Variants in CALN1 observed in about 807,000 individuals in gnomAD.
The protein encoded by CALN1 is calcium-binding protein 8.
Under a neutral mutation model 30.6 loss-of-function variants are expected in CALN1, and 17 were observed. The observed-to-expected ratio is 0.56, with a 90% confidence interval of 0.38 to 0.83. The LOEUF is 0.83. CALN1 is among the 40% of genes least tolerant of loss of function. The pLI is 0.00. For missense variants in CALN1, 291 were observed against 354.9 expected (o/e 0.82, Z 1.45); for synonymous variants, 156 against 131.4 (o/e 1.19, Z -1.28).
At chr7:72,341,512 G>A (rs531110512) in intron 2 of CALN1, among the ~76,000 whole-genome samples, 3 of 150,742 alleles carry the variant, frequency 2.0e-5, no homozygotes, top group Non-Finnish European at 4.4e-5. Flanking sequence ...AACAGAGCGA[G>A]ACTCAGTCTC....
At chr7:72,377,048 A>G (rs903025869) in intron 2 of CALN1, among the ~76,000 whole-genome samples, 3 of 152,158 alleles carry the variant, frequency 2.0e-5, no homozygotes, top group Admixed American at 6.5e-5. Context: ...CATGGCATAT[A>G]TTTTTATACT....
intron 2 of CALN1, among the ~76,000 whole-genome samples, chr7:72,382,477 T>A (rs1017182937): frequency 4.6e-5 from 7 of 152,230 alleles, no homozygotes; most frequent in African/African-American, 1.7e-4. Flanking sequence ...TATTTCAATT[T>A]TTTTAGATTC....
chr7:72,270,117 G>A (rs1380617522), intron 3 of CALN1, among the ~76,000 whole-genome samples: 1 of 151,884 alleles, frequency 6.6e-6, no homozygotes, highest in Admixed American at 6.6e-5. Flanking sequence ...GTATGTATGT[G>A]TGTGTGTGTG....
chr7:72,401,035 T>C (rs1309321144), intron 2 of CALN1, among the ~76,000 whole-genome samples: 2 of 152,190 alleles, frequency 1.3e-5, no homozygotes, highest in African/African-American at 4.8e-5. Flanking sequence ...CTTTTGAGCA[T>C]GCTTTGGGGT....
At chr7:72,197,608 T>C (rs1366175178) in intron 3 of CALN1, among the ~76,000 whole-genome samples, 2 of 152,190 alleles carry the variant, frequency 1.3e-5, no homozygotes, top group Admixed American at 6.5e-5. Flanking sequence ...GGTGGAAGGA[T>C]GGCTTGAAGC....
At chr7:72,222,827 C>A (rs976734457) in intron 3 of CALN1, among the ~76,000 whole-genome samples, 11 of 151,844 alleles carry the variant, frequency 7.2e-5, no homozygotes, top group Non-Finnish European at 1.3e-4. Context: ...TCAAGACAAG[C>A]CTGAGCAACA....
chr7:72,242,276 T>G (rs1263044406), intron 3 of CALN1, among the ~76,000 whole-genome samples: 1 of 152,232 alleles, frequency 6.6e-6, no homozygotes, highest in East Asian at 1.9e-4. Context: ...ACCTTTTGGC[T>G]ATTGTGAATA....
At chr7:72,402,237 G>A (rs547185087) in intron 2 of CALN1, among the ~76,000 whole-genome samples, 2 of 152,174 alleles carry the variant, frequency 1.3e-5, no homozygotes, top group African/African-American at 4.8e-5. Context: ...ATGTCAAGTT[G>A]TGTTGGAGAA....
At chr7:72,003,406 G>A (rs971674403) in intron 5 of CALN1, among the ~76,000 whole-genome samples, 1 of 152,174 alleles carries the variant, frequency 6.6e-6, no homozygotes, top group African/African-American at 2.4e-5. Context: ...CCATGGACCG[G>A]TACCAGATAG....
At chr7:72,071,600 G>A (rs1225005414) in intron 4 of CALN1, among the ~76,000 whole-genome samples, 1 of 152,164 alleles carries the variant, frequency 6.6e-6, no homozygotes, top group East Asian at 1.9e-4. Context: ...CCCAAAGACA[G>A]CCTATGACAA....
the CALN1 span, among the ~76,000 whole-genome samples, chr7:72,454,223 A>G: frequency 1.3e-5 from 2 of 152,284 alleles, no homozygotes; most frequent in South Asian, 2.1e-4. Flanking sequence ...AGAATCATGC[A>G]AAGAATAGAG....
chr7:71,869,050 A>G (rs1467330125), intron 5 of CALN1, among the ~76,000 whole-genome samples: 6 of 152,054 alleles, frequency 3.9e-5, no homozygotes, highest in Admixed American at 3.9e-4. Flanking sequence ...TGTTCACTTC[A>G]ACAACCTCAG....
chr7:72,384,797 A>G (rs1425482818), intron 2 of CALN1, among the ~76,000 whole-genome samples: 1 of 151,754 alleles, frequency 6.6e-6, no homozygotes, highest in Non-Finnish European at 1.5e-5. Context: ...TATCCCTGAA[A>G]GAAAAAAAAA....
At chr7:72,197,178 CTTTTTTTTT>C (rs386410439) in intron 3 of CALN1, among the ~76,000 whole-genome samples, 8 of 64,212 alleles carry the variant, frequency 1.2e-4, no homozygotes, top group Non-Finnish European at 1.6e-4. Context: ...GGAAGGTTTG[CTTTTTTTTT>C]TTTTTTTTTT....
At chr7:72,324,903 C>T (rs1801163406) in intron 2 of CALN1, among the ~76,000 whole-genome samples, 1 of 152,120 alleles carries the variant, frequency 6.6e-6, no homozygotes, top group Admixed American at 6.6e-5. Flanking sequence ...TCCCTGTTGC[C>T]TACTACCCTT....
chr7:72,217,033 C>T (rs1585188903), intron 3 of CALN1, among the ~76,000 whole-genome samples: 4 of 152,062 alleles, frequency 2.6e-5, no homozygotes, highest in East Asian at 3.9e-4. Context: ...CCATCACATC[C>T]GGCCTTCAGC....
In CALN1 at chr7:71,810,642, T is replaced by C. The variant is rs534564056; in HGVS notation, c.502-150A>G. On this transcript the variant is annotated intron_variant, in intron 5 of 6. Coordinates refer to ENST00000395275, the MANE Select transcript of CALN1 (RefSeq NM_031468.4). ...TGAACAGTTTTCCATCCTGTTCAGC[T>C]CCAAGTATACTCATGAACTTGCAGG... The C allele has an allele frequency of 1.1e-3, 752 of 667,866 alleles. 4 individuals carry two copies. The highest frequency in any genetic ancestry group is 3.3e-3 in the Middle Eastern group (9 of 2,752). 41.4% of individuals were successfully genotyped at this position (667,866 alleles called of 1,614,324 possible). A position where few individuals can be genotyped will look rare whatever the true frequency, so the allele number is the denominator to read the frequency against.
Position 72,403,418 on chromosome 7 carries a change from G to A in CALN1, c.-49C>T. On this transcript the variant is annotated 5_prime_UTR_variant, in exon 2 of 7. Coordinates refer to ENST00000395275, the MANE Select transcript of CALN1 (RefSeq NM_031468.4). ...AGAGAGAGTTAGAAGCTCATCAAAG[G>A]AACGTCAGCGAAGGCACTGAGACTC... 3 of 1,436,782 alleles carry A rather than the reference G, an allele frequency of 2.1e-6. No individual in the cohort carries two copies. Among genetic ancestry groups the A allele is most frequent in the Non-Finnish European group, 2.8e-6 (3 of 1,061,140 alleles). The allele number at this position is 1,436,782 out of a possible 1,614,324, so 89.0% of individuals were successfully genotyped here.
At chr7:71,872,706 C>T (rs770618492) in intron 5 of CALN1, among the ~76,000 whole-genome samples, 3 of 151,706 alleles carry the variant, frequency 2.0e-5, no homozygotes, top group African/African-American at 4.8e-5. Context: ...CTCTGCCTCC[C>T]GGGTTCAAGC....
Sources: allele counts gnomAD v4.1 joint callset (sites outside exome capture counted in the v4.1 genomes callset), GRCh38; gene constraint gnomAD v4.1.1; transcripts MANE v1.5; gene names NCBI Gene and HGNC (gene_info 2026-07-23, HGNC 2026-07-21).